Variants in ARMC3 observed in about 807,000 individuals in gnomAD.
ARMC3 encodes the protein armadillo repeat containing 3.
In ARMC3, 74 loss-of-function variants were observed where a neutral mutation model predicts 90.3. The ratio of observed to expected loss-of-function variants is 0.82; its 90% CI spans 0.68 to 0.99. The LOEUF is 0.99. Among genes scored for constraint, ARMC3 ranks in the 50% least tolerant of loss-of-function variants. The pLI, the probability that ARMC3 is intolerant of heterozygous loss-of-function variation, is 0.00. For missense variants in ARMC3, 958 were observed against 1,042.8 expected (o/e 0.92, Z 1.12); for synonymous variants, 334 against 361.8 (o/e 0.92, Z 0.87).
chr10:22,993,262 CAG>C lies in ARMC3; in HGVS notation c.1176-4883_1176-4882del, dbSNP rs573509586. Among the ~76,000 whole-genome samples the C allele has an allele frequency of 1.8e-4, 27 of 152,284 alleles. No homozygotes were observed. The South Asian group carries it at 5.2e-3, about 29-fold the overall frequency. On this transcript the variant is annotated intron_variant, in intron 10 of 18. Transcript: ENST00000298032. The stretch of plus-strand genomic sequence containing the variant: ...GTCAACTGGTGCACACTAAAATAAA[CAG>C]AGTCAACAATGTCTGCAAAGACAAA...
intron 2 of ARMC3, among the ~76,000 whole-genome samples, chr10:22,938,702 G>C (rs1834206717): frequency 6.6e-6 from 1 of 152,106 alleles, no homozygotes. Context: ...GTGAATGGAA[G>C]TACAACATAC....
intron 1 of ARMC3, among the ~76,000 whole-genome samples, chr10:22,931,785 T>G (rs1282786481): frequency 1.3e-5 from 2 of 152,366 alleles, no homozygotes; most frequent in East Asian, 3.9e-4. Flanking sequence ...TAACACTCAA[T>G]GATCTTATCA....
chr10:22,961,019 C>A (rs1835167966), intron 6 of ARMC3: 1 of 152,208 alleles, frequency 6.6e-6, no homozygotes, highest in Non-Finnish European at 1.5e-5. Flanking sequence ...TCTGCAATGA[C>A]CCTGTTTTCA....
chr10:22,981,075 C>A (rs1408497742), intron 8 of ARMC3, among the ~76,000 whole-genome samples: 1 of 152,186 alleles, frequency 6.6e-6, no homozygotes, highest in African/African-American at 2.4e-5. Flanking sequence ...CTTGCTAAAT[C>A]CAAAAACTTG....
intron 2 of ARMC3, among the ~76,000 whole-genome samples, chr10:22,945,338 T>C (rs1257717299): frequency 6.6e-6 from 1 of 152,220 alleles, no homozygotes; most frequent in African/African-American, 2.4e-5. Context: ...ACTCCATCCT[T>C]CATTAGTCTC....
At chr10:23,015,533 A>G (rs1397082954) in intron 16 of ARMC3, among the ~76,000 whole-genome samples, 1 of 151,824 alleles carries the variant, frequency 6.6e-6, no homozygotes, top group Admixed American at 6.6e-5. Context: ...TTGACTGAAC[A>G]TGAGTTTATT....
At position 23,033,524 on chromosome 10, in the gene ARMC3, A is replaced by G. The variant is rs536712404; in HGVS notation, c.2409+501A>G. On this transcript the variant is annotated intron_variant, in intron 18 of 18. Coordinates refer to ENST00000298032, the MANE Select transcript of ARMC3 (RefSeq NM_173081.5). ...ACATCTTATGCAAAATAATACAGGT[A>G]TGAGAATCAGTGATCTATCTGAGGA... is the stretch of plus-strand genomic sequence containing the variant. Among the ~76,000 whole-genome samples the G allele has an allele frequency of 4.6e-5, 7 of 152,344 alleles. No homozygotes were observed. The South Asian group carries it at 1.4e-3, about 32-fold the overall frequency.
intron 10 of ARMC3, among the ~76,000 whole-genome samples, chr10:22,993,003 GAA>G (rs1221154924): frequency 7.4e-6 from 1 of 135,552 alleles, no homozygotes; most frequent in Non-Finnish European, 1.6e-5. Flanking sequence ...ACGGAGACAT[GAA>G]AAGTCATGCT....
At chr10:23,005,024 T>C (rs1837514343) in intron 13 of ARMC3, among the ~76,000 whole-genome samples, 1 of 151,496 alleles carries the variant, frequency 6.6e-6, no homozygotes, top group Admixed American at 6.6e-5. Flanking sequence ...CCATCCTGGC[T>C]AACACGGTGG....
chr10:22,946,694 C>T (rs1834542296), intron 3 of ARMC3: 1 of 153,164 alleles, frequency 6.5e-6, no homozygotes, highest in Non-Finnish European at 1.5e-5. Flanking sequence ...AGAAGAATTC[C>T]TAATAGTTTA....
chr10:22,959,631 C>G (rs1835107659), intron 6 of ARMC3, 57 bp downstream of exon 6: 1 of 1,495,084 alleles, frequency 6.7e-7, no homozygotes, highest in Admixed American at 2.4e-5. Flanking sequence ...ATTTATTTTC[C>G]CATTAAAAAT....
At chr10:22,957,094 G>A (rs1048722335) in intron 4 of ARMC3, among the ~76,000 whole-genome samples, 4 of 152,062 alleles carry the variant, frequency 2.6e-5, no homozygotes, top group Admixed American at 2.0e-4. Flanking sequence ...CATGCCTATC[G>A]TGGTACATGG....
chr10:22,981,756 A>G (rs1836202065), intron 10 of ARMC3, 56 bp downstream of exon 10: 4 of 1,414,150 alleles, frequency 2.8e-6, no homozygotes, highest in Non-Finnish European at 4.0e-6. Flanking sequence ...ACAGTCCAAG[A>G]TGTTCTCCTG....
chr10:23,005,322 G>C (rs1338828840), intron 13 of ARMC3, among the ~76,000 whole-genome samples: 1 of 151,590 alleles, frequency 6.6e-6, no homozygotes, highest in Non-Finnish European at 1.5e-5. Flanking sequence ...CCTTGCCATA[G>C]ATCAGATAAA....
intron 1 of ARMC3, among the ~76,000 whole-genome samples, chr10:22,930,932 T>C (rs879394368): frequency 5.8e-5 from 8 of 138,352 alleles, no homozygotes; most frequent in Non-Finnish European, 1.1e-4. Context: ...TCTTGAAAAG[T>C]TTCTTTTTTT....
intron 16 of ARMC3, among the ~76,000 whole-genome samples, chr10:23,024,466 A>T (rs892972447): frequency 5.3e-5 from 8 of 152,186 alleles, no homozygotes; most frequent in Non-Finnish European, 8.8e-5. Context: ...CCATTTCCTC[A>T]TGAGTATTTT....
chr10:23,037,156 T>C, intron 18 of ARMC3, 114 bp from the exon 19 acceptor site: 1 of 977,292 alleles, frequency 1.0e-6, no homozygotes, highest in Non-Finnish European at 1.5e-6. Context: ...TATCTAAACA[T>C]TTCTTTGCAA....
chr10:23,012,170 G>A (rs879667854), intron 16 of ARMC3, among the ~76,000 whole-genome samples: 4 of 151,988 alleles, frequency 2.6e-5, no homozygotes. Context: ...CTTCTGGGTG[G>A]GAACTCATTT....
intron 2 of ARMC3, 149 bp downstream of exon 2, chr10:22,932,193 C>A (rs888170048): frequency 3.1e-5 from 17 of 547,758 alleles, no homozygotes; most frequent in Non-Finnish European, 4.6e-5. Flanking sequence ...TCAGAGAAAT[C>A]TAACATTACA....
Sources: gnomAD v4.1 joint callset for allele counts (sites outside exome capture counted in the v4.1 genomes callset) on GRCh38, gnomAD v4.1.1 for gene constraint, MANE v1.5 for transcripts, NCBI Gene and HGNC (gene_info 2026-07-23, HGNC 2026-07-21) for gene names.